Variants in CEP83 observed in about 807,000 individuals in gnomAD.
The protein encoded by CEP83 is centrosomal protein of 83 kDa.
A neutral mutation model predicts 101.9 loss-of-function variants in CEP83; 70 were observed. The ratio of observed to expected loss-of-function variants is 0.69; its 90% confidence interval spans 0.57 to 0.84. The LOEUF is 0.84. CEP83 is among the 40% of genes least tolerant of loss of function. The pLI is 0.00. For synonymous variants in CEP83, 264 were observed against 267.9 expected (o/e 0.99, Z 0.14); for missense variants, 715 against 787.2 (o/e 0.91, Z 1.10).
intron 8 of CEP83, among the ~76,000 whole-genome samples, chr12:94,370,551 A>G (rs1046483099): frequency 6.6e-6 from 1 of 152,038 alleles, no homozygotes; most frequent in Non-Finnish European, 1.5e-5. Flanking sequence ...TAATTTTTCA[A>G]TTTTTTTGTA....
At chr12:94,351,936 G>A (rs68011496) in intron 11 of CEP83, among the ~76,000 whole-genome samples, 3,860 of 152,324 alleles carry the variant, frequency 0.025, 76 homozygotes, top group Non-Finnish European at 0.036. Flanking sequence ...AGACACTGCT[G>A]ACACGAATTA....
chr12:94,390,803 C>A (rs2062474091), intron 6 of CEP83, among the ~76,000 whole-genome samples: 1 of 152,054 alleles, frequency 6.6e-6, no homozygotes, highest in Admixed American at 6.6e-5. Context: ...GGAGTGCAAA[C>A]CATGGCACGA....
At chr12:94,285,346 A>G in the CEP83 span, among the ~76,000 whole-genome samples, 2 of 152,196 alleles carry the variant, frequency 1.3e-5, no homozygotes, top group African/African-American at 2.4e-5. Context: ...ATGGCCAGGG[A>G]CAGAGAACAC....
At chr12:94,447,850 A>G (rs778904223) in intron 1 of CEP83, among the ~76,000 whole-genome samples, 1 of 152,138 alleles carries the variant, frequency 6.6e-6, no homozygotes, top group African/African-American at 2.4e-5. Context: ...CAGAAATAAA[A>G]AGATACACTA....
chr12:94,433,981 GT>G (rs1244762407), intron 2 of CEP83: 1 of 152,182 alleles, frequency 6.6e-6, no homozygotes, highest in Admixed American at 6.5e-5. Context: ...TACCATCACT[GT>G]AAAACACTCA....
chr12:94,331,910 C>A lies in CEP83; in HGVS notation c.1578-81G>T. 2.3e-6 allele frequency: 3 copies of A among 1,288,630 alleles called. No homozygotes were observed. In the Admixed American group the frequency reaches 5.3e-5, roughly 23 times the overall value. The allele number at this position is 1,288,630 out of a possible 1,614,324, so 79.8% of individuals were successfully genotyped here. A position where few individuals can be genotyped will look rare whatever the true frequency, so the allele number is the denominator to read the frequency against. On this transcript the variant is annotated intron_variant, in intron 13 of 16. Coordinates refer to ENST00000397809, the MANE Select transcript of CEP83 (RefSeq NM_016122.3). ...AGATATTATCACAAGTATAAGCAAA[C>A]TCACTACCTGTCTGACCACATTCTT...
At position 94,322,692 on chromosome 12, in the gene CEP83, C is replaced by G. The variant is rs2058800011; in HGVS notation, c.1707+9008G>C. Among the ~76,000 whole-genome samples, 3 of 152,220 alleles carry G rather than the reference C, an allele frequency of 2.0e-5. No homozygotes were observed. The South Asian group carries it at 6.2e-4, about 31-fold the overall frequency. On this transcript the variant is annotated intron_variant, in intron 14 of 16. Transcript: ENST00000397809. ...GAGATCCAGGAGCCACATGAGGAAGCAGCCTGACCACTTCTCCTTAGAGCT... is the reference window on the plus strand; with the variant it reads ...GAGATCCAGGAGCCACATGAGGAAGGAGCCTGACCACTTCTCCTTAGAGCT...
At chr12:94,343,900 T>C (rs1365838771) in intron 11 of CEP83, among the ~76,000 whole-genome samples, 1 of 152,218 alleles carries the variant, frequency 6.6e-6, no homozygotes, top group Non-Finnish European at 1.5e-5. Context: ...ATAGGGCCTT[T>C]AAAGAGACAA....
chr12:94,294,535 C>G, the CEP83 span: 1 of 1,259,802 alleles, frequency 7.9e-7, no homozygotes, highest in South Asian at 1.2e-5. Context: ...GCAAATTTTA[C>G]TTCAGGTAAC....
chr12:94,447,074 T>A (rs2066862929), intron 1 of CEP83, among the ~76,000 whole-genome samples: 1 of 152,184 alleles, frequency 6.6e-6, no homozygotes, highest in Non-Finnish European at 1.5e-5. Flanking sequence ...AATTCTATAT[T>A]CAGCAAAACT....
At chr12:94,274,912 C>T in the CEP83 span, among the ~76,000 whole-genome samples, 28 of 152,210 alleles carry the variant, frequency 1.8e-4, no homozygotes, top group Non-Finnish European at 3.8e-4. Flanking sequence ...AATACACACA[C>T]GTCATTTAAA....
intron 11 of CEP83, among the ~76,000 whole-genome samples, chr12:94,357,587 G>A (rs1385039128): frequency 6.6e-6 from 1 of 152,168 alleles, no homozygotes; most frequent in Non-Finnish European, 1.5e-5. Context: ...CCTGTACAAT[G>A]TCTGTCCCCT....
At position 94,352,244 on chromosome 12, in the gene CEP83, C is replaced by T. The variant is rs74853878; in HGVS notation, c.1343+15550G>A. 5.7e-4 allele frequency among the ~76,000 whole-genome samples: 86 copies of T among 152,106 alleles called. 2 individuals are homozygous for T. The East Asian group carries it at 0.015, about 26-fold the overall frequency. ...GAACAGCCTGGCCAACATACTGAAA[C>T]CCCGTCTCTACTAAAAATACAAAAA... On this transcript the variant is annotated intron_variant, in intron 11 of 16. Coordinates refer to ENST00000397809, the MANE Select transcript of CEP83 (RefSeq NM_016122.3).
rs533177898 is a variant in CEP83 at position 94,344,299 on chromosome 12, G to A, written c.1344-8635C>T. ...ACACTATATAATTTATGGGATACACGTAAAGCAGTGATGAGAAGAAAATTA... is the reference window on the plus strand; with the variant it reads ...ACACTATATAATTTATGGGATACACATAAAGCAGTGATGAGAAGAAAATTA... On this transcript the variant is annotated intron_variant, in intron 11 of 16. Coordinates refer to ENST00000397809, the MANE Select transcript of CEP83 (RefSeq NM_016122.3). Among the ~76,000 whole-genome samples, 399 of 152,218 alleles carry A rather than the reference G, an allele frequency of 2.6e-3. 1 individual carries two copies. The highest frequency in any genetic ancestry group is 4.0e-3 in the Non-Finnish European group (274 of 68,002).
Position 94,352,399 on chromosome 12 carries a change from G to A in CEP83, c.1343+15395C>T, listed in dbSNP as rs1194660215. Among the ~76,000 whole-genome samples the A allele has an allele frequency of 4.9e-5, 7 of 142,206 alleles. No individual in the cohort carries two copies. In the East Asian group the frequency reaches 6.1e-4, roughly 12 times the overall value. 93.3% of individuals were successfully genotyped at this position (142,206 alleles called of 152,430 possible). A position where few individuals can be genotyped will look rare whatever the true frequency, so the allele number is the denominator to read the frequency against. On this transcript the variant is annotated intron_variant, in intron 11 of 16. Transcript: ENST00000397809. The stretch of plus-strand genomic sequence containing the variant: ...TGTGCCACTGCACTCCAACCTGGGT[G>A]ACAGTGTGAGACTTTGTCTCAAAAA...
downstream of CEP83, chr12:94,306,829 T>A (rs186781783): frequency 6.6e-6 from 1 of 152,318 alleles, no homozygotes. Flanking sequence ...ACTACCCTGA[T>A]AGGCACCTTC....
the CEP83 span, among the ~76,000 whole-genome samples, chr12:94,268,108 T>C: frequency 6.6e-6 from 1 of 152,076 alleles, no homozygotes; most frequent in African/African-American, 2.4e-5. Context: ...AGGGACACGT[T>C]TGGAAAAAAG....
chr12:94,275,239 A>T, the CEP83 span, among the ~76,000 whole-genome samples: 2 of 152,230 alleles, frequency 1.3e-5, no homozygotes, highest in Admixed American at 1.3e-4. Context: ...TCTGAAATTT[A>T]TCATGAATTA....
chr12:94,340,522 C>T lies in CEP83; in HGVS notation c.1344-4858G>A, dbSNP rs898927880. Among the ~76,000 whole-genome samples the T allele has an allele frequency of 4.6e-5, 7 of 151,998 alleles. No homozygotes were observed. In the East Asian group the frequency reaches 1.2e-3, roughly 25 times the overall value. On this transcript the variant is annotated intron_variant, in intron 11 of 16. Transcript: ENST00000397809. ...CACAATCTTGGCTCACTGTAACCTC[C>T]GCCTCCCAGGTTCACGCAATTCTCC...
Sources: gnomAD v4.1 joint callset for allele counts (sites outside exome capture counted in the v4.1 genomes callset) on GRCh38, gnomAD v4.1.1 for gene constraint, MANE v1.5 for transcripts, NCBI Gene and HGNC (gene_info 2026-07-23, HGNC 2026-07-21) for gene names.